DSG4: variants seen among roughly 807,000 people sequenced by gnomAD.
DSG4 encodes desmoglein 4.
A neutral mutation model predicts 93.1 loss-of-function variants in DSG4; 87 were observed. That is an observed-to-expected ratio of 0.93 (90% CI 0.79 to 1.12). The LOEUF is 1.12. Among genes scored for constraint, DSG4 ranks in the 50% most tolerant of loss-of-function variants. The pLI, the probability that DSG4 is intolerant of heterozygous loss-of-function variation, is 0.00. For synonymous variants in DSG4, 432 were observed against 452.9 expected (o/e 0.95, Z 0.59); for missense variants, 1,373 against 1,285.7 (o/e 1.07, Z -1.04).
In DSG4 at chr18:31,390,712, T is replaced by C. The variant is rs267606775; in HGVS notation, c.574T>C (p.Ser192Pro). The part of the protein sequence containing the change: ...TDADEENHLN[S>P]KIAYKIVSQE... ...TGCAGATGAAGAAAATCATCTGAAT[T>C]CTAAAATTGCCTACAAGATCGTCTC... The change falls in exon 6 of 16, where the codon TCT becomes CCT. Residue 192 changes from serine (S) to proline (P), a missense_variant. Physicochemically the swap from Ser to Pro is moderately conservative, Grantham distance 74. Coordinates refer to ENST00000308128, the MANE Select transcript of DSG4 (RefSeq NM_177986.5). 6 of 1,613,632 alleles carry C rather than the reference T, an allele frequency of 3.7e-6. No homozygotes were observed. The East Asian group carries it at 1.3e-4, about 36-fold the overall frequency.
chr18:31,407,461 C>T (rs1448941068), intron 12 of DSG4, among the ~76,000 whole-genome samples: 1 of 151,002 alleles, frequency 6.6e-6, no homozygotes, highest in African/African-American at 2.4e-5. Flanking sequence ...CCCTCCTTTC[C>T]CCATAGAGTT....
intron 1 of DSG4, among the ~76,000 whole-genome samples, chr18:31,381,444 G>T (rs554056539): frequency 5.3e-5 from 8 of 152,246 alleles, no homozygotes; most frequent in African/African-American, 1.7e-4. Context: ...CAGTCAGGAT[G>T]TGAACCTAAA....
Position 31,392,147 on chromosome 18 carries a change from C to A in DSG4, c.820-8C>A, listed in dbSNP as rs772023033. ...TCATTGACTACAAAATTGATCCTTG[C>A]ATTTTAGTACTCAGCCAGTATTGAA... On this transcript the variant is annotated splice_polypyrimidine_tract_variant and splice_region_variant and intron_variant, in intron 7 of 15. Coordinates refer to ENST00000308128, the MANE Select transcript of DSG4 (RefSeq NM_177986.5). The A allele has an allele frequency of 7.4e-6, 12 of 1,613,176 alleles. No homozygotes were observed. In the South Asian group the frequency reaches 1.3e-4, roughly 18 times the overall value.
At chr18:31,388,289 A>C in intron 3 of DSG4, 78 bp from the exon 4 acceptor site, 1 of 1,535,152 alleles carries the variant, frequency 6.5e-7, no homozygotes, top group East Asian at 2.3e-5. Flanking sequence ...AAAGAAACCC[A>C]CTCCCTTCTT....
At position 31,409,770 on chromosome 18, in the gene DSG4, T is replaced by C; in HGVS notation, c.2099T>C (p.Met700Thr). ...DRDVSNICAP[M>T]TASNTQDRMD... Reference sequence around the variant, plus strand: ...GATGTGTCAAATATATGTGCACCCATGACAGCCTCAAATACCCAGGATCGG... The same window carrying C: ...GATGTGTCAAATATATGTGCACCCACGACAGCCTCAAATACCCAGGATCGG... Residue 700 changes from methionine to threonine, a missense_variant, in exon 14 of 16, where the codon ATG becomes ACG. By Grantham distance (81) the Met-to-Thr change is moderately conservative. Coordinates refer to ENST00000308128, the MANE Select transcript of DSG4 (RefSeq NM_177986.5). 1 of 1,614,218 alleles carries C rather than the reference T, an allele frequency of 6.2e-7. No individual in the cohort carries two copies. The highest frequency in any genetic ancestry group is 1.1e-5 in the South Asian group (1 of 91,086).
chr18:31,405,978 A>T, intron 11 of DSG4, 99 bp from the exon 12 acceptor site: 2 of 1,324,962 alleles, frequency 1.5e-6, no homozygotes, highest in Non-Finnish European at 2.1e-6. Flanking sequence ...TGAAAAATCT[A>T]GTGTTTTAAG....
At chr18:31,410,050 C>T (rs1282256103) in intron 14 of DSG4, among the ~76,000 whole-genome samples, 1 of 152,116 alleles carries the variant, frequency 6.6e-6, no homozygotes, top group African/African-American at 2.4e-5. Flanking sequence ...GGGTTTGATT[C>T]CCAGCTCTGC....
intron 1 of DSG4, among the ~76,000 whole-genome samples, chr18:31,378,762 T>G (rs2072103958): frequency 6.6e-6 from 1 of 152,132 alleles, no homozygotes; most frequent in Admixed American, 6.5e-5. Context: ...AATTGGGAGG[T>G]AGAGACTTCT....
chr18:31,413,637 G>GGAT lies in DSG4; in HGVS notation c.*42_*43insGAT. On this transcript the variant is annotated 3_prime_UTR_variant, in exon 16 of 16. Coordinates refer to ENST00000308128, the MANE Select transcript of DSG4 (RefSeq NM_177986.5). Reference sequence around the variant, plus strand: ...ATTCTATGTGGAGACCTTGCACCTTGTAATCATCAATACATCCACCAAAAA... The same window carrying GGAT: ...ATTCTATGTGGAGACCTTGCACCTTGGATTAATCATCAATACATCCACCAAAAA... 1 of 1,602,098 alleles carries GGAT rather than the reference G, an allele frequency of 6.2e-7. No individual in the cohort carries two copies. The highest frequency in any genetic ancestry group is 8.5e-7 in the Non-Finnish European group (1 of 1,176,050).
At chr18:31,404,516 A>T (rs992976516) in intron 11 of DSG4, among the ~76,000 whole-genome samples, 5 of 152,128 alleles carry the variant, frequency 3.3e-5, no homozygotes, top group African/African-American at 9.7e-5. Context: ...TACAGGGAAA[A>T]TTTCATGGGC....
rs981424995 is a variant in DSG4 at position 31,414,232 on chromosome 18, AT to A, written c.*642del. ...AATGGTTCATCAAAGAAAAATATAT[AT>A]TTTTATTGAACTTTATTGATTTATA... On this transcript the variant is annotated 3_prime_UTR_variant, in exon 16 of 16. Transcript: ENST00000308128. 4 of 152,152 alleles carry A rather than the reference AT, an allele frequency of 2.6e-5. No homozygotes were observed. The highest frequency in any genetic ancestry group is 5.9e-5 in the Non-Finnish European group (4 of 68,034). The allele number at this position is 152,152 out of a possible 1,614,324, so 9.4% of individuals were successfully genotyped here.
chr18:31,378,008 G>A (rs987119803), intron 1 of DSG4, among the ~76,000 whole-genome samples: 4 of 152,142 alleles, frequency 2.6e-5, no homozygotes, highest in Non-Finnish European at 5.9e-5. Context: ...TGTCCAAGAG[G>A]CACAGTGAGA....
intron 12 of DSG4, among the ~76,000 whole-genome samples, chr18:31,408,171 C>G (rs1044180924): frequency 2.6e-5 from 4 of 152,062 alleles, no homozygotes; most frequent in African/African-American, 4.8e-5. Flanking sequence ...GGATCTGAGC[C>G]CAAACCTATG....
In DSG4 at chr18:31,391,167, G is replaced by A. The variant is rs747186527; in HGVS notation, c.774G>A (p.Lys258=). 16 of 1,613,692 alleles carry A rather than the reference G, an allele frequency of 9.9e-6. No individual in the cohort carries two copies. In the South Asian group the frequency reaches 1.4e-4, roughly 14 times the overall value. Residue 258 remains lysine (K), a synonymous_variant, in exon 7 of 16, where the codon AAG becomes AAA. Coordinates refer to ENST00000308128, the MANE Select transcript of DSG4 (RefSeq NM_177986.5). ...GLSSECDCRI[K]VLDVNDNFPT... ...CTTCTGAGTGTGACTGTAGAATCAAGGTTTTAGACGTCAACGATAATTTCC... is the reference window on the plus strand; with the variant it reads ...CTTCTGAGTGTGACTGTAGAATCAAAGTTTTAGACGTCAACGATAATTTCC...
At chr18:31,408,942 G>A (rs1387446917) in intron 12 of DSG4, among the ~76,000 whole-genome samples, 2 of 152,042 alleles carry the variant, frequency 1.3e-5, no homozygotes, top group African/African-American at 4.8e-5. Flanking sequence ...TTTCATTATA[G>A]TCTATAAACA....
chr18:31,390,934 C>A (rs539833212), intron 6 of DSG4, 112 bp downstream of exon 6: 5 of 1,494,356 alleles, frequency 3.3e-6, no homozygotes, highest in East Asian at 2.5e-5. Flanking sequence ...GAAAAATAAT[C>A]CATTTTTAAT....
chr18:31,388,840 T>A lies in DSG4; in HGVS notation c.373-34T>A, dbSNP rs149265994. The A allele has an allele frequency of 1.1e-5, 18 of 1,613,120 alleles. No individual in the cohort carries two copies. The African/African-American group carries it at 2.1e-4, about 19-fold the overall frequency. On this transcript the variant is annotated intron_variant, in intron 4 of 15. Coordinates refer to ENST00000308128, the MANE Select transcript of DSG4 (RefSeq NM_177986.5). ...AAGCATGTTACTAAAATTCCTTTGGTGGAAAAAGATGGCTTTTTTCCAATT... is the reference window on the plus strand; with the variant it reads ...AAGCATGTTACTAAAATTCCTTTGGAGGAAAAAGATGGCTTTTTTCCAATT...
At chr18:31,389,306 G>A (rs536011215) in intron 5 of DSG4, among the ~76,000 whole-genome samples, 6 of 152,214 alleles carry the variant, frequency 3.9e-5, no homozygotes, top group African/African-American at 1.4e-4. Flanking sequence ...AAATCCAAGC[G>A]AGCAAACTGA....
At chr18:31,396,483 T>A (rs1263513431) in intron 8 of DSG4, among the ~76,000 whole-genome samples, 1 of 148,790 alleles carries the variant, frequency 6.7e-6, no homozygotes, top group Non-Finnish European at 1.5e-5. Context: ...GCCTCCGGAG[T>A]AGCTGGGATT....
Sources: allele counts gnomAD v4.1 joint callset (sites outside exome capture counted in the v4.1 genomes callset), GRCh38; gene constraint gnomAD v4.1.1; transcripts MANE v1.5; gene names NCBI Gene and HGNC (gene_info 2026-07-23, HGNC 2026-07-21).